The following GLS variants were observed in gnomAD, a reference collection of about 807,000 sequenced individuals.
GLS encodes the protein glutaminase kidney isoform, mitochondrial.
Under a neutral mutation model 86.7 loss-of-function variants are expected in GLS, and 36 were observed. The observed-to-expected ratio is 0.42, with a 90% CI of 0.32 to 0.55. The LOEUF is 0.55. Ranked by LOEUF, GLS falls within the 20% of genes least tolerant of loss-of-function variation. GLS has a pLI of 0.17. For synonymous variants in GLS, 317 were observed against 305.9 expected, an observed-to-expected ratio of 1.04 and a Z score of -0.38; for missense variants, 528 against 833.4, an observed-to-expected ratio of 0.63 and a Z score of 4.51.
rs1041184898 is a variant in GLS at position 190,957,397 on chromosome 2, A to G, written c.1853+2579A>G. 3.3e-5 allele frequency among the ~76,000 whole-genome samples: 5 copies of G among 152,230 alleles called. No homozygotes were observed. The South Asian group carries it at 8.3e-4, about 25-fold the overall frequency. ...ATGAGCCACTGTGCCCAGCCCCTTT[A>G]TTTCTTTCCCTTGCCTGATTGTCCT... On this transcript the variant is annotated intron_variant, in intron 17 of 17. Transcript: ENST00000320717.
rs547096799 is a variant in GLS, at chr2:190,962,455, T to C, written c.1854-375T>C. ...TGATGGATGTTATATGCCTGAATTT[T>C]CTTTGAACATTTTATTTTAAAAGAG... On this transcript the variant is annotated intron_variant, in intron 17 of 17. Coordinates refer to ENST00000320717, the MANE Select transcript of GLS (RefSeq NM_014905.5). This position sits in a 1 kb window ranked among gnomAD's most constrained non-coding sequence, Gnocchi z 4.2. Among the ~76,000 whole-genome samples, 1 of 152,346 alleles carries C rather than the reference T, an allele frequency of 6.6e-6. No individual in the cohort carries two copies. Among genetic ancestry groups the C allele is most frequent in the East Asian group, 1.9e-4 (1 of 5,180 alleles).
chr2:190,937,409 A>G (rs1259085403), intron 14 of GLS, among the ~76,000 whole-genome samples: 1 of 151,370 alleles, frequency 6.6e-6, no homozygotes, highest in African/African-American at 2.4e-5. Context: ...CTCTAAGAGG[A>G]TCTGAGGCAA....
rs547652155 is a variant in GLS, at chr2:190,887,669, G to C, written c.386+6199G>C. Among the ~76,000 whole-genome samples, 7 of 152,134 alleles carry C rather than the reference G, an allele frequency of 4.6e-5. No homozygotes were observed. In the South Asian group the frequency reaches 1.2e-3, roughly 27 times the overall value. On this transcript the variant is annotated intron_variant, in intron 1 of 17. Coordinates refer to ENST00000320717, the MANE Select transcript of GLS (RefSeq NM_014905.5). ...TTAAGCTCTATGAGGAACTTACAAA[G>C]TATTCATACCTTTTTAGGAATCTAA... is the stretch of plus-strand genomic sequence containing the variant.
intron 12 of GLS, among the ~76,000 whole-genome samples, chr2:190,928,892 G>GT (rs367999647): frequency 0.4 from 5,188 of 12,916 alleles, 1,531 homozygotes; most frequent in Non-Finnish European, 0.53. Flanking sequence ...ATTCAGGTGT[G>GT]TTTTTTTTTT....
chr2:190,889,665 C>T (rs1448418666), intron 1 of GLS, among the ~76,000 whole-genome samples: 3 of 152,028 alleles, frequency 2.0e-5, no homozygotes, highest in African/African-American at 7.2e-5. Flanking sequence ...TAGACTTGAT[C>T]TCCCCAGATC....
intron 11 of GLS, among the ~76,000 whole-genome samples, chr2:190,925,970 C>T (rs1051283815): frequency 1.2e-4 from 18 of 151,972 alleles, no homozygotes; most frequent in Admixed American, 1.2e-3. Flanking sequence ...GAATTTTTTC[C>T]GTAAGTTTCT....
At chr2:190,957,863 A>G (rs1690897821) in intron 17 of GLS, among the ~76,000 whole-genome samples, 1 of 152,056 alleles carries the variant, frequency 6.6e-6, no homozygotes, top group Admixed American at 6.6e-5. Flanking sequence ...CTGGCCTGAA[A>G]TTTTCTTTTT....
rs1281908077 is a variant in GLS, at chr2:190,921,284, G to A, written c.1130+81G>A. Reference sequence around the variant, plus strand: ...TGATCCACTCTCTTTTCATTGGAGGGAAATGAATGATTTCTAAATTACCTG... The same window carrying A: ...TGATCCACTCTCTTTTCATTGGAGGAAAATGAATGATTTCTAAATTACCTG... On this transcript the variant is annotated intron_variant, in intron 9 of 17. Transcript: ENST00000320717. The surrounding 1 kb of genome is among the most constrained non-coding windows in gnomAD (Gnocchi z 4.2). 4 of 934,356 alleles carry A rather than the reference G, an allele frequency of 4.3e-6. No individual in the cohort carries two copies. Among genetic ancestry groups the A allele is most frequent in the Middle Eastern group, 2.5e-4 (1 of 3,946 alleles). The allele number at this position is 934,356 out of a possible 1,614,324, so 57.9% of individuals were successfully genotyped here.
intron 1 of GLS, among the ~76,000 whole-genome samples, chr2:190,882,834 T>C (rs186600297): frequency 6.6e-6 from 1 of 152,254 alleles, no homozygotes; most frequent in Non-Finnish European, 1.5e-5. Context: ...TCTAAAAAGC[T>C]ATACTTCTGT....
intron 9 of GLS, among the ~76,000 whole-genome samples, chr2:190,922,282 C>T (rs902154324): frequency 3.9e-5 from 6 of 152,130 alleles, no homozygotes; most frequent in Admixed American, 2.0e-4. Context: ...TAATGTTAAA[C>T]GTTATCGTAA....
chr2:190,882,614 T>A (rs1688241324), intron 1 of GLS, among the ~76,000 whole-genome samples: 1 of 152,236 alleles, frequency 6.6e-6, no homozygotes, highest in Admixed American at 6.5e-5. Context: ...TCACGCCTGC[T>A]TGATGTTTTC....
chr2:190,923,201 G>A (rs1401498444), intron 9 of GLS, among the ~76,000 whole-genome samples: 1 of 152,144 alleles, frequency 6.6e-6, no homozygotes, highest in Non-Finnish European at 1.5e-5. Flanking sequence ...ATGCAGATCT[G>A]ATTAGGTAAC....
In GLS at chr2:190,933,270, A is replaced by G. The variant is rs1690168100; in HGVS notation, c.1650+1633A>G. ...TTTTTTCTTTTCCATTTTTAAAACT[A>G]ATGTGATGTCTTTAGTGGCAATAGA... On this transcript the variant is annotated intron_variant, in intron 14 of 17. Transcript: ENST00000320717. 4 of 910,334 alleles carry G rather than the reference A, an allele frequency of 4.4e-6. No individual in the cohort carries two copies. The South Asian group carries it at 2.0e-4, about 46-fold the overall frequency. The allele number at this position is 910,334 out of a possible 1,614,324, so 56.4% of individuals were successfully genotyped here.
chr2:190,901,363 AG>A (rs144332956), intron 4 of GLS, among the ~76,000 whole-genome samples: 1,649 of 152,192 alleles, frequency 0.011, 38 homozygotes, highest in African/African-American at 0.037. Context: ...ATTAAGTGGA[AG>A]TGGATCACCA....
At position 190,949,570 on chromosome 2, in the gene GLS, G is replaced by A. The variant is rs1690664133; in HGVS notation, c.1651-3995G>A. On this transcript the variant is annotated intron_variant, in intron 14 of 17. Coordinates refer to ENST00000320717, the MANE Select transcript of GLS (RefSeq NM_014905.5). This position sits in a 1 kb window ranked among gnomAD's most constrained non-coding sequence, Gnocchi z 4.0. Reference sequence around the variant, plus strand: ...ATTAGATTAGTGGTGGCACATGCCTGTAATCCCAGCTACTCCAGAGGCTGA... The same window carrying A: ...ATTAGATTAGTGGTGGCACATGCCTATAATCCCAGCTACTCCAGAGGCTGA... Among the ~76,000 whole-genome samples, 5 of 152,050 alleles carry A rather than the reference G, an allele frequency of 3.3e-5. No individual in the cohort carries two copies.
intron 9 of GLS, among the ~76,000 whole-genome samples, chr2:190,922,666 C>CT (rs2124898467): frequency 6.6e-6 from 1 of 152,198 alleles, no homozygotes; most frequent in Non-Finnish European, 1.5e-5. Context: ...GTGATAACTG[C>CT]TGACTAGTTA....
At chr2:190,942,148 T>C (rs990070476) in intron 14 of GLS, among the ~76,000 whole-genome samples, 8 of 135,992 alleles carry the variant, frequency 5.9e-5, no homozygotes, top group Non-Finnish European at 1.2e-4. Flanking sequence ...GGAGTGATCT[T>C]GGCTCACTGC....
chr2:190,911,898 A>G (rs1689374758), intron 7 of GLS, among the ~76,000 whole-genome samples: 1 of 152,126 alleles, frequency 6.6e-6, no homozygotes, highest in Admixed American at 6.5e-5. Flanking sequence ...CACTACGCAT[A>G]GTCTCAAAAG....
At chr2:190,893,011 G>A (rs1236851594) in intron 1 of GLS, among the ~76,000 whole-genome samples, 1 of 152,096 alleles carries the variant, frequency 6.6e-6, no homozygotes, top group Non-Finnish European at 1.5e-5. Context: ...TTACTTGTGT[G>A]ATAAATACAT....
Sources: allele counts gnomAD v4.1 joint callset (sites outside exome capture counted in the v4.1 genomes callset), GRCh38; gene constraint gnomAD v4.1.1; non-coding constraint Gnocchi (gnomAD v3.1); transcripts MANE v1.5; gene names NCBI Gene and HGNC (gene_info 2026-07-23, HGNC 2026-07-21).